Variants in ASH2L observed in about 807,000 individuals in gnomAD.
ASH2L encodes the protein ASH2 like, histone lysine methyltransferase complex subunit.
ASH2L carries 30 observed loss-of-function variants against 81.1 expected under a neutral mutation model. The ratio of observed to expected loss-of-function variants is 0.37; its 90% CI spans 0.28 to 0.50. The LOEUF is 0.50. Among genes scored for constraint, ASH2L ranks in the 20% least tolerant of loss-of-function variants. ASH2L has a pLI of 0.95. For synonymous variants in ASH2L, 273 were observed against 279.9 expected, an observed-to-expected ratio of 0.98 and a Z score of 0.24; for missense variants, 559 against 792.1, an observed-to-expected ratio of 0.71 and a Z score of 3.53.
chr8:38,121,333 TTATATATA>T (rs71216649), intron 10 of ASH2L, among the ~76,000 whole-genome samples, 184 bp downstream of exon 10: 94 of 59,650 alleles, frequency 1.6e-3, no homozygotes, highest in African/African-American at 4.7e-3. Flanking sequence ...GCCGTTTTAT[TTATATATA>T]TATATATATA....
In ASH2L at chr8:38,116,724, T is replaced by G; in HGVS notation, c.852T>G (p.Asn284Lys). ...SSAVSTSGNL[N>K]GGIAAGSSGK... ...CTGTGTCTACTAGTGGGAATTTAAA[T>G]GGTAAGTGTTTACATATCTCATTGC... Residue 284 changes from asparagine (N) to lysine (K), a missense_variant and splice_region_variant, in exon 8 of 16, where the codon AAT (asparagine) becomes AAG (lysine). Transcript: ENST00000343823. 2 of 1,611,662 alleles carry G rather than the reference T, an allele frequency of 1.2e-6. No homozygotes were observed. The highest frequency in any genetic ancestry group is 1.7e-6 in the Non-Finnish European group (2 of 1,178,772).
intron 3 of ASH2L, among the ~76,000 whole-genome samples, chr8:38,110,120 G>A (rs1278419951): frequency 3.3e-5 from 5 of 152,166 alleles, no homozygotes; most frequent in Non-Finnish European, 7.3e-5. Context: ...TACAGCCTGT[G>A]CAGCATGGCG....
chr8:38,131,105 G>A (rs923862140), intron 12 of ASH2L, among the ~76,000 whole-genome samples: 15 of 152,110 alleles, frequency 9.9e-5, no homozygotes, highest in Non-Finnish European at 2.2e-4. Flanking sequence ...CATAGCTTTA[G>A]AGTAAGTCTT....
chr8:38,122,585 A>G (rs963382358), intron 10 of ASH2L: 3 of 152,168 alleles, frequency 2.0e-5, no homozygotes, highest in African/African-American at 7.2e-5. Flanking sequence ...GGTCAGAGGT[A>G]GGAAGTGCAT....
At chr8:38,129,422 C>T (rs551531707) in intron 12 of ASH2L, among the ~76,000 whole-genome samples, 12 of 152,182 alleles carry the variant, frequency 7.9e-5, no homozygotes, top group East Asian at 5.8e-4. Context: ...CTTGAGCCCA[C>T]GAGTTCAAGA....
chr8:38,108,164 G>A (rs1810534388), intron 3 of ASH2L, among the ~76,000 whole-genome samples: 1 of 152,060 alleles, frequency 6.6e-6, no homozygotes, highest in Non-Finnish European at 1.5e-5. Context: ...AAATGCTGAT[G>A]TCTTAATTAA....
At chr8:38,127,322 T>TA (rs78451289) in intron 10 of ASH2L, among the ~76,000 whole-genome samples, 3,232 of 133,858 alleles carry the variant, frequency 0.024, 109 homozygotes, top group African/African-American at 0.077. Flanking sequence ...CCCTGGCTCT[T>TA]AAAAAAAAAA....
chr8:38,136,450 A>G (rs1802260090), intron 14 of ASH2L, among the ~76,000 whole-genome samples: 1 of 151,258 alleles, frequency 6.6e-6, no homozygotes, highest in African/African-American at 2.4e-5. Context: ...TTAAAAATAT[A>G]TAGGTAGATA....
chr8:38,132,913 A>G (rs191765090), intron 12 of ASH2L, among the ~76,000 whole-genome samples: 1 of 152,206 alleles, frequency 6.6e-6, no homozygotes, highest in East Asian at 1.9e-4. Flanking sequence ...CCTGGCCAAC[A>G]TAGTGAAACC....
chr8:38,110,732 T>G lies in ASH2L; in HGVS notation c.491-7T>G, dbSNP rs1451003787. ...GATAACTGTTTCTTCCTTTTTGTTT[T>G]TGATAGACTTGAAGGAAATGTGCCT... On this transcript the variant is annotated splice_region_variant and splice_polypyrimidine_tract_variant and intron_variant, in intron 4 of 15. Transcript: ENST00000343823. 1 of 1,611,134 alleles carries G rather than the reference T, an allele frequency of 6.2e-7. No individual in the cohort carries two copies. Among genetic ancestry groups the G allele is most frequent in the African/African-American group, 1.3e-5 (1 of 74,902 alleles).
intron 5 of ASH2L, among the ~76,000 whole-genome samples, chr8:38,113,645 G>A (rs1315197885): frequency 3.9e-5 from 6 of 152,192 alleles, no homozygotes; most frequent in Non-Finnish European, 7.3e-5. Context: ...TATTTGGTGA[G>A]CATTTAGGTG....
intron 5 of ASH2L, among the ~76,000 whole-genome samples, chr8:38,113,621 GA>G (rs1345041755): frequency 9.9e-5 from 15 of 152,130 alleles, no homozygotes; most frequent in African/African-American, 3.4e-4. Context: ...TGACATTTCT[GA>G]AATTTTAAAA....
At chr8:38,115,575 G>A (rs1233181292) in intron 7 of ASH2L, among the ~76,000 whole-genome samples, 2 of 152,124 alleles carry the variant, frequency 1.3e-5, no homozygotes, top group African/African-American at 4.8e-5. Flanking sequence ...GCTGAGGCAG[G>A]AGGATTGCTT....
chr8:38,130,655 A>G (rs527682872), intron 12 of ASH2L, among the ~76,000 whole-genome samples: 53 of 151,662 alleles, frequency 3.5e-4, no homozygotes, highest in African/African-American at 1.3e-3. Flanking sequence ...CTGGAGTGCA[A>G]TGGTGCAATC....
At chr8:38,122,847 G>T (rs572025628) in intron 10 of ASH2L, among the ~76,000 whole-genome samples, 1 of 152,036 alleles carries the variant, frequency 6.6e-6, no homozygotes, top group Non-Finnish European at 1.5e-5. Flanking sequence ...GGGCTCAAAC[G>T]ATCCTCCTGC....
rs771380281 is a variant in ASH2L, at chr8:38,128,947, A to G, written c.1523A>G (p.Asp508Gly). Residue 508 changes from aspartate to glycine, a missense_variant, in exon 12 of 16, where the codon GAT (aspartate) becomes GGT (glycine). Coordinates refer to ENST00000343823, the MANE Select transcript of ASH2L (RefSeq NM_004674.5). ...TAKSLPDTYK[D>G]KALIKFKSYL... is the part of the protein sequence containing the mutation. ...AAGTCATTGCCAGACACATACAAAG[A>G]TAAGGTGAGTTTGTCCTCTCCCGGC... 1 of 1,612,226 alleles carries G rather than the reference A, an allele frequency of 6.2e-7. No individual in the cohort carries two copies. Among genetic ancestry groups the G allele is most frequent in the South Asian group, 1.1e-5 (1 of 90,636 alleles).
chr8:38,126,636 C>T (rs375889246), intron 10 of ASH2L, among the ~76,000 whole-genome samples: 4 of 151,810 alleles, frequency 2.6e-5, no homozygotes, highest in East Asian at 3.9e-4. Flanking sequence ...AGGCGGATCA[C>T]GAGGTCAGGA....
intron 10 of ASH2L, among the ~76,000 whole-genome samples, chr8:38,122,007 A>G (rs1475421162): frequency 2.6e-5 from 4 of 152,178 alleles, no homozygotes; most frequent in Non-Finnish European, 5.9e-5. Flanking sequence ...ATCAGTGGAT[A>G]TTGTCTGCAA....
At chr8:38,116,856 A>G (rs775696595) in intron 8 of ASH2L, 131 bp downstream of exon 8, 16 of 722,158 alleles carry the variant, frequency 2.2e-5, no homozygotes, top group South Asian at 8.1e-5. Flanking sequence ...TTCAAACTCA[A>G]TTTTTAGGAA....
Sources: allele counts gnomAD v4.1 joint callset (sites outside exome capture counted in the v4.1 genomes callset), GRCh38; gene constraint gnomAD v4.1.1; transcripts MANE v1.5; gene names NCBI Gene and HGNC (gene_info 2026-07-23, HGNC 2026-07-21).